The following SI variants were observed in gnomAD, a reference collection of about 807,000 sequenced individuals.
SI encodes sucrase-isomaltase.
SI carries 235 observed loss-of-function variants against 253.3 expected under a neutral mutation model. That is an observed-to-expected ratio of 0.93 (90% CI 0.83 to 1.03). SI has a LOEUF of 1.03. Among genes scored for constraint, SI ranks in the 50% least tolerant of loss-of-function variants. The pLI is 0.00. For synonymous variants in SI, 819 were observed against 712.0 expected (o/e 1.15, Z -2.39); for missense variants, 2,442 against 2,211.1 (o/e 1.10, Z -2.09).
chr3:165,076,094 ATT>A, intron 1 of SI, 82 bp from the exon 2 acceptor site: 5 of 1,074,294 alleles, frequency 4.7e-6, no homozygotes, highest in East Asian at 2.7e-5. Flanking sequence ...GAAATTACAT[ATT>A]CTTTTTTTTA....
At position 165,040,795 on chromosome 3, in the gene SI, T is replaced by A. The variant is rs1039395284; in HGVS notation, c.2159+145A>T. ...TTAATTATATTTACTGGCATCATTATATAGCTCTTCAAATCATTTACACCA... is the reference window on the plus strand; with the variant it reads ...TTAATTATATTTACTGGCATCATTAAATAGCTCTTCAAATCATTTACACCA... On this transcript the variant is annotated intron_variant, in intron 18 of 47. Transcript: ENST00000264382. The A allele has an allele frequency of 5.8e-5, 37 of 642,938 alleles. No individual in the cohort carries two copies. The South Asian group carries it at 6.7e-4, about 12-fold the overall frequency. The allele number at this position is 642,938 out of a possible 1,614,324, so 39.8% of individuals were successfully genotyped here. A position where few individuals can be genotyped will look rare whatever the true frequency, so the allele number is the denominator to read the frequency against.
In SI at chr3:165,074,576, A is replaced by G. The variant is rs369719801; in HGVS notation, c.210T>C (p.Pro70=). Residue 70 remains proline (P), a synonymous_variant, in exon 3 of 48, where the codon CCT becomes CCC. Transcript: ENST00000264382. The stretch of plus-strand genomic sequence containing the variant: ...GAATGCAGTTTATTCTCACATTGAC[A>G]GGATCATTTAACACATTTGGACATT... ...SGKCPNVLND[P]VNVRINCIPE... is the part of the protein sequence containing the mutation. The G allele has an allele frequency of 3.7e-6, 6 of 1,609,972 alleles. No homozygotes were observed. Among genetic ancestry groups the G allele is most frequent in the African/African-American group, 1.3e-5 (1 of 74,792 alleles).
chr3:165,062,290 TAA>T, intron 9 of SI, 79 bp downstream of exon 9: 1 of 749,740 alleles, frequency 1.3e-6, no homozygotes, highest in Non-Finnish European at 2.4e-6. Context: ...CTATGTAAAA[TAA>T]AGTCATCTAA....
intron 16 of SI, among the ~76,000 whole-genome samples, chr3:165,045,314 G>T (rs559189536): frequency 2.0e-5 from 3 of 151,998 alleles, no homozygotes; most frequent in Non-Finnish European, 2.9e-5. Flanking sequence ...ATTGAACAGG[G>T]TATATCTTTA....
In SI at chr3:164,998,592, G is replaced by C. The variant is rs1324167161; in HGVS notation, c.4488C>G (p.His1496Gln). 3 of 1,612,138 alleles carry C rather than the reference G, an allele frequency of 1.9e-6. No individual in the cohort carries two copies. Among genetic ancestry groups the C allele is most frequent in the African/African-American group, 1.3e-5 (1 of 74,816 alleles). ...TYPTSGRWGGHWLGDNYARWD... is the reference protein window; with the variant it reads ...TYPTSGRWGGQWLGDNYARWD... ...ATCGTGCATAGTTGTCTCCAAGCCA[G>C]TGTCCTCCCCATCGTCCACTAGTAG... Residue 1496 changes from histidine to glutamine, a missense_variant, in exon 38 of 48, where the codon CAC becomes CAG. Physicochemically the swap from His to Gln is conservative, Grantham distance 24. Coordinates refer to ENST00000264382, the MANE Select transcript of SI (RefSeq NM_001041.4).
At chr3:165,080,847 C>T (rs1178253506), upstream of SI, among the ~76,000 whole-genome samples, 2 of 151,752 alleles carry the variant, frequency 1.3e-5, no homozygotes, top group Non-Finnish European at 2.9e-5. Flanking sequence ...CACATGTATC[C>T]ATATGTAACA....
At chr3:164,997,961 T>C (rs1358843272) in intron 38 of SI, among the ~76,000 whole-genome samples, 1 of 151,540 alleles carries the variant, frequency 6.6e-6, no homozygotes, top group Non-Finnish European at 1.5e-5. Flanking sequence ...TGTCGAAGAG[T>C]GTCTTTTGTG....
At chr3:165,064,825 G>A (rs933140143) in intron 7 of SI, among the ~76,000 whole-genome samples, 11 of 151,956 alleles carry the variant, frequency 7.2e-5, no homozygotes, top group African/African-American at 4.8e-5. Flanking sequence ...TTGAAGTTAC[G>A]GAAAATGACT....
intron 2 of SI, among the ~76,000 whole-genome samples, chr3:165,075,452 C>A (rs1164624389): frequency 1.3e-5 from 2 of 151,876 alleles, no homozygotes; most frequent in African/African-American, 2.4e-5. Flanking sequence ...CCTCTACCTG[C>A]CTTTCTCATA....
At chr3:165,019,488 T>C (rs1004662837) in intron 28 of SI, 114 bp downstream of exon 28, 46 of 974,308 alleles carry the variant, frequency 4.7e-5, no homozygotes, top group African/African-American at 4.3e-4. Context: ...TGGAGATCTC[T>C]AGCTAATGCC....
At chr3:165,081,117 T>TA (rs1715307119), upstream of SI, among the ~76,000 whole-genome samples, 1 of 151,904 alleles carries the variant, frequency 6.6e-6, no homozygotes, top group African/African-American at 2.4e-5. Context: ...TAAATTCAGA[T>TA]AAAAATCACA....
In SI at chr3:165,049,773, T is replaced by C. The variant is rs1382417778; in HGVS notation, c.1597+18A>G. 2.2e-6 allele frequency: 3 copies of C among 1,386,878 alleles called. No homozygotes were observed. Among genetic ancestry groups the C allele is most frequent in the Non-Finnish European group, 3.1e-6 (3 of 975,100 alleles). The allele number at this position is 1,386,878 out of a possible 1,614,324, so 85.9% of individuals were successfully genotyped here. On this transcript the variant is annotated intron_variant, in intron 14 of 47. Coordinates refer to ENST00000264382, the MANE Select transcript of SI (RefSeq NM_001041.4). ...ATTCTCAATTAAAACAGTAATTAGA[T>C]AACCAAATAAATTTTACCAGGAGTA... is the stretch of plus-strand genomic sequence containing the variant.
chr3:165,015,800 A>G, intron 32 of SI, 152 bp downstream of exon 32: 3 of 733,670 alleles, frequency 4.1e-6, no homozygotes, highest in Non-Finnish European at 7.1e-6. Flanking sequence ...CATGCAAATA[A>G]AATGAAGTGC....
intron 44 of SI, among the ~76,000 whole-genome samples, chr3:164,990,954 ATTTCT>A (rs943261552): frequency 2.0e-5 from 3 of 152,138 alleles, no homozygotes; most frequent in Admixed American, 6.6e-5. Context: ...AATTCTTAAT[ATTTCT>A]TTTGACTGTC....
chr3:165,068,056 C>T (rs1300932856), intron 5 of SI, among the ~76,000 whole-genome samples: 1 of 151,486 alleles, frequency 6.6e-6, no homozygotes, highest in African/African-American at 2.4e-5. Context: ...TAGTAAACTA[C>T]GTGCTAAAAA....
intron 14 of SI, 99 bp from the exon 15 acceptor site, chr3:165,049,343 G>T: frequency 1.3e-6 from 1 of 775,964 alleles, no homozygotes; most frequent in Non-Finnish European, 2.2e-6. Context: ...TTTGTGTTAT[G>T]AAATTCCATA....
chr3:165,064,942 C>T lies in SI; in HGVS notation c.807+319G>A, dbSNP rs372309673. Among the ~76,000 whole-genome samples the T allele has an allele frequency of 1.1e-4, 16 of 152,050 alleles. No homozygotes were observed. The East Asian group carries it at 2.7e-3, about 26-fold the overall frequency. On this transcript the variant is annotated intron_variant, in intron 7 of 47. Transcript: ENST00000264382. ...ATGTAAAACAGTGTTTGGAATTATTCTAGTGCAATAGCTAGCTATTGATGG... is the reference window on the plus strand; with the variant it reads ...ATGTAAAACAGTGTTTGGAATTATTTTAGTGCAATAGCTAGCTATTGATGG...
At chr3:164,997,915 C>G (rs1057009662) in intron 38 of SI, among the ~76,000 whole-genome samples, 1 of 151,618 alleles carries the variant, frequency 6.6e-6, no homozygotes, top group Non-Finnish European at 1.5e-5. Flanking sequence ...GATTCCATGT[C>G]TTTGGTGAAT....
chr3:165,059,029 A>G lies in SI; in HGVS notation c.1332T>C (p.Tyr444=). 1 of 1,612,538 alleles carries G rather than the reference A, an allele frequency of 6.2e-7. No individual in the cohort carries two copies. The highest frequency in any genetic ancestry group is 8.5e-7 in the Non-Finnish European group (1 of 1,179,172). ...ACACATGTTGTGTGTTTCCCCTCTC[A>G]TAGGTTGCATATGTTGTTCCATTGG... is the stretch of plus-strand genomic sequence containing the variant. ...RRANGTTYAT[Y]ERGNTQHVWI... is the part of the protein sequence containing the mutation. Residue 444 remains tyrosine, a synonymous_variant, in exon 12 of 48, where the codon TAT becomes TAC. Coordinates refer to ENST00000264382, the MANE Select transcript of SI (RefSeq NM_001041.4).
Sources: gnomAD v4.1 joint callset for allele counts (sites outside exome capture counted in the v4.1 genomes callset) on GRCh38, gnomAD v4.1.1 for gene constraint, MANE v1.5 for transcripts, NCBI Gene and HGNC (gene_info 2026-07-23, HGNC 2026-07-21) for gene names.